PRKN: variants seen among roughly 807,000 people sequenced by gnomAD.
PRKN encodes E3 ubiquitin-protein ligase parkin.
In PRKN, 56 loss-of-function variants were observed where a neutral mutation model predicts 59.5. The observed-to-expected ratio is 0.94, with a 90% CI of 0.76 to 1.18. The LOEUF (loss-of-function observed/expected upper bound fraction) is 1.18. Ranked by LOEUF, PRKN falls within the 50% of genes most tolerant of loss-of-function variation. PRKN has a pLI of 0.00. For missense variants in PRKN, 657 were observed against 596.4 expected, an observed-to-expected ratio of 1.10 and a Z score of -1.06; for synonymous variants, 250 against 222.1, an observed-to-expected ratio of 1.13 and a Z score of -1.12.
At chr6:161,774,704 T>C (rs1425562684) in intron 7 of PRKN, among the ~76,000 whole-genome samples, 3 of 152,132 alleles carry the variant, frequency 2.0e-5, no homozygotes, top group African/African-American at 4.8e-5. Context: ...CACTGGACCA[T>C]GACATGAAGG....
chr6:162,077,642 A>G (rs1778882278), intron 4 of PRKN, among the ~76,000 whole-genome samples: 1 of 152,092 alleles, frequency 6.6e-6, no homozygotes, highest in African/African-American at 2.4e-5. Context: ...AATTTTTAAC[A>G]AAAATGAAAA....
intron 6 of PRKN, among the ~76,000 whole-genome samples, chr6:161,797,514 C>G (rs557190487): frequency 6.6e-6 from 1 of 152,348 alleles, no homozygotes; most frequent in African/African-American, 2.4e-5. Context: ...ATCCACCTGC[C>G]TCAGCCTCCC....
intron 5 of PRKN, among the ~76,000 whole-genome samples, chr6:162,050,841 C>T (rs1030226564): frequency 6.6e-6 from 1 of 152,114 alleles, no homozygotes; most frequent in Non-Finnish European, 1.5e-5. Flanking sequence ...ATCACCGTGG[C>T]CACACAGCTG....
At chr6:161,536,075 T>C (rs975923707) in intron 9 of PRKN, among the ~76,000 whole-genome samples, 36 of 152,128 alleles carry the variant, frequency 2.4e-4, no homozygotes, top group Non-Finnish European at 3.8e-4. Flanking sequence ...TTCTTTTTTT[T>C]CCCCAATATC....
At chr6:162,716,893 C>T (rs1174690800) in intron 1 of PRKN, among the ~76,000 whole-genome samples, 1 of 152,164 alleles carries the variant, frequency 6.6e-6, no homozygotes, top group Non-Finnish European at 1.5e-5. Flanking sequence ...TGTCATTCTT[C>T]CTTCATAAGG....
At chr6:162,101,683 A>T (rs1011168920) in intron 4 of PRKN, among the ~76,000 whole-genome samples, 18 of 151,932 alleles carry the variant, frequency 1.2e-4, no homozygotes, top group Admixed American at 1.0e-3. Flanking sequence ...AAAAAAAAAA[A>T]CCAATTGACT....
intron 4 of PRKN, among the ~76,000 whole-genome samples, chr6:162,182,738 C>T (rs1298854082): frequency 6.6e-6 from 1 of 152,134 alleles, no homozygotes; most frequent in Non-Finnish European, 1.5e-5. Flanking sequence ...CAGATATTGC[C>T]CTTTTTACAA....
chr6:162,661,535 T>C (rs909516624), intron 1 of PRKN, among the ~76,000 whole-genome samples: 5 of 152,116 alleles, frequency 3.3e-5, no homozygotes, highest in Admixed American at 3.3e-4. Context: ...GTGGCCTTAT[T>C]AGGCAGGGTG....
chr6:161,365,232 CA>C (rs1785153229), intron 10 of PRKN, among the ~76,000 whole-genome samples: 1 of 152,256 alleles, frequency 6.6e-6, no homozygotes, highest in East Asian at 1.9e-4. Context: ...GAAATGACTG[CA>C]AATATCCCAG....
intron 6 of PRKN, among the ~76,000 whole-genome samples, chr6:161,932,781 T>C (rs78398416): frequency 2.4e-3 from 358 of 152,250 alleles, no homozygotes; most frequent in African/African-American, 8.4e-3. Context: ...GTTACAACTA[T>C]ACTAGCAGAA....
In PRKN at chr6:161,462,666, CA is replaced by C. The variant is rs1335926793; in HGVS notation, c.1084-75790del. Among the ~76,000 whole-genome samples the C allele has an allele frequency of 1.3e-5, 2 of 152,140 alleles. No homozygotes were observed. The highest frequency in any genetic ancestry group is 4.8e-5 in the African/African-American group (2 of 41,438). On this transcript the variant is annotated intron_variant, in intron 9 of 11. Transcript: ENST00000366898. This position sits in a 1 kb window ranked among gnomAD's most constrained non-coding sequence, Gnocchi z 4.5. ...AAATCAAAATTTAATATGTCATTAA[CA>C]GAGGTTAACTTGCTGAAAAATAAGC...
chr6:161,956,391 A>G (rs1289100710), intron 6 of PRKN, among the ~76,000 whole-genome samples: 2 of 152,224 alleles, frequency 1.3e-5, no homozygotes, highest in South Asian at 2.1e-4. Context: ...AAAATCAGAT[A>G]TGGTGAGAAA....
In PRKN at chr6:162,164,979, G is replaced by C. The variant is rs1482152124; in HGVS notation, c.534+36152C>G. Among the ~76,000 whole-genome samples, 4 of 148,604 alleles carry C rather than the reference G, an allele frequency of 2.7e-5. No individual in the cohort carries two copies. In the East Asian group the frequency reaches 5.8e-4, roughly 22 times the overall value. ...AATGTACCATGTCTAAACCTAAGTG[G>C]GTATTGCTACTAATGGTATCTTTAC... is the stretch of plus-strand genomic sequence containing the variant. On this transcript the variant is annotated intron_variant, in intron 4 of 11. Transcript: ENST00000366898.
At chr6:161,949,512 AAAACAAAC>A (rs10644394) in intron 6 of PRKN, among the ~76,000 whole-genome samples, 1 of 151,908 alleles carries the variant, frequency 6.6e-6, no homozygotes, top group Non-Finnish European at 1.5e-5. Flanking sequence ...CTCTGTCTTA[AAAACAAAC>A]AAACAAACAA....
chr6:162,340,127 T>C (rs1012065998), intron 2 of PRKN, among the ~76,000 whole-genome samples: 7 of 122,586 alleles, frequency 5.7e-5, no homozygotes, highest in Non-Finnish European at 1.2e-4. Flanking sequence ...CACCCAAGAA[T>C]TATCAATAAA....
chr6:162,256,793 TG>T (rs1779655710), intron 3 of PRKN, among the ~76,000 whole-genome samples: 1 of 152,172 alleles, frequency 6.6e-6, no homozygotes, highest in Non-Finnish European at 1.5e-5. Context: ...CATGGAGTCT[TG>T]AATGCAATGT....
At chr6:161,893,616 AC>A (rs1777498966) in intron 6 of PRKN, among the ~76,000 whole-genome samples, 1 of 152,162 alleles carries the variant, frequency 6.6e-6, no homozygotes, top group South Asian at 2.1e-4. Flanking sequence ...TAAAATATGG[AC>A]CAGTCAGTAG....
At position 162,201,124 on chromosome 6, in the gene PRKN, T is replaced by C; in HGVS notation, c.534+7A>G. On this transcript the variant is annotated splice_region_variant and intron_variant, in intron 4 of 11. Transcript: ENST00000366898. ...GGCAGTCTCATGCTGACACTGCATT[T>C]CCTTACCTGGGTCAAGGTGAGCGTT... The C allele has an allele frequency of 6.2e-7, 1 of 1,614,020 alleles. No individual in the cohort carries two copies. Among genetic ancestry groups the C allele is most frequent in the East Asian group, 2.2e-5 (1 of 44,888 alleles).
Position 161,537,603 on chromosome 6 carries a change from C to T in PRKN, c.1083+11251G>A, listed in dbSNP as rs556998110. Reference sequence around the variant, plus strand: ...AGTAGCTGGGACTACAGGCACCCGCCACCATGCTCGGCTAATTTTTTGTGT... The same window carrying T: ...AGTAGCTGGGACTACAGGCACCCGCTACCATGCTCGGCTAATTTTTTGTGT... On this transcript the variant is annotated intron_variant, in intron 9 of 11. Coordinates refer to ENST00000366898, the MANE Select transcript of PRKN (RefSeq NM_004562.3). 3.9e-5 allele frequency among the ~76,000 whole-genome samples: 6 copies of T among 152,196 alleles called. No individual in the cohort carries two copies. In the South Asian group the frequency reaches 1.0e-3, roughly 26 times the overall value.
Sources: allele counts gnomAD v4.1 joint callset (sites outside exome capture counted in the v4.1 genomes callset), GRCh38; gene constraint gnomAD v4.1.1; non-coding constraint Gnocchi (gnomAD v3.1); transcripts MANE v1.5; gene names NCBI Gene and HGNC (gene_info 2026-07-23, HGNC 2026-07-21).